CACNB4: variants seen among roughly 807,000 people sequenced by gnomAD.
CACNB4 encodes voltage-dependent L-type calcium channel subunit beta-4.
CACNB4 carries 32 observed loss-of-function variants against 71.2 expected under a neutral mutation model. The observed-to-expected ratio is 0.45, with a 90% CI of 0.34 to 0.60. The LOEUF is 0.60. CACNB4 is among the 20% of genes least tolerant of loss of function. The pLI is 0.01. For synonymous variants in CACNB4, 231 were observed against 236.9 expected, an observed-to-expected ratio of 0.97 and a Z score of 0.23; for missense variants, 464 against 647.9, an observed-to-expected ratio of 0.72 and a Z score of 3.08.
At chr2:151,987,646 A>C (rs1681445593) in intron 2 of CACNB4, among the ~76,000 whole-genome samples, 1 of 152,228 alleles carries the variant, frequency 6.6e-6, no homozygotes, top group South Asian at 2.1e-4. Flanking sequence ...TCACACATTC[A>C]CATCTCAGCA....
chr2:152,070,399 G>C (rs1167310978), intron 2 of CACNB4, among the ~76,000 whole-genome samples: 1 of 152,060 alleles, frequency 6.6e-6, no homozygotes, highest in African/African-American at 2.4e-5. Context: ...CTGGTTTGGG[G>C]TTGTAATTCT....
At chr2:151,907,596 C>A (rs1270744404) in intron 2 of CACNB4, among the ~76,000 whole-genome samples, 1 of 152,124 alleles carries the variant, frequency 6.6e-6, no homozygotes, top group Non-Finnish European at 1.5e-5. Flanking sequence ...CTACTAATGT[C>A]CTTTTTCTGT....
At chr2:151,912,318 C>G (rs1338144116) in intron 2 of CACNB4, among the ~76,000 whole-genome samples, 1 of 151,188 alleles carries the variant, frequency 6.6e-6, no homozygotes, top group African/African-American at 2.4e-5. Flanking sequence ...CTATACATTT[C>G]TGTCTTAACG....
rs1192403849 is a variant in CACNB4, at chr2:151,839,482, T to C, written c.1303-103A>G. 5.5e-6 allele frequency: 5 copies of C among 916,626 alleles called. No individual in the cohort carries two copies. The Admixed American group carries it at 1.1e-4, about 21-fold the overall frequency. The allele number at this position is 916,626 out of a possible 1,614,324, so 56.8% of individuals were successfully genotyped here. A position where few individuals can be genotyped will look rare whatever the true frequency, so the allele number is the denominator to read the frequency against. ...AGGATCTGTACAATAAGATGCTAAA[T>C]ATCTGACTTAATAAGGCATCCTGAT... On this transcript the variant is annotated intron_variant, in intron 13 of 13. Coordinates refer to ENST00000539935, the MANE Select transcript of CACNB4 (RefSeq NM_000726.5).
At chr2:151,869,860 A>G in intron 8 of CACNB4, 1 of 286,242 alleles carries the variant, frequency 3.5e-6, no homozygotes, top group Non-Finnish European at 6.5e-6. Flanking sequence ...ACATTGTCCT[A>G]GCTCGATGGG....
chr2:152,050,147 C>T (rs1048785428), intron 2 of CACNB4, among the ~76,000 whole-genome samples: 1 of 152,216 alleles, frequency 6.6e-6, no homozygotes, highest in African/African-American at 2.4e-5. Context: ...AGATGACTTT[C>T]CAAAGTGACA....
intron 9 of CACNB4, chr2:151,866,662 C>A (rs2099843211): frequency 6.6e-6 from 1 of 152,226 alleles, no homozygotes; most frequent in Non-Finnish European, 1.5e-5. Context: ...AACCAAGGAA[C>A]TCCTTATTGT....
At position 152,091,454 on chromosome 2, in the gene CACNB4, GTGAAACCTGGTCTCTAC is replaced by G. The variant is rs538508766; in HGVS notation, c.147+6859_147+6875del. Among the ~76,000 whole-genome samples, 86 of 152,132 alleles carry G rather than the reference GTGAAACCTGGTCTCTAC, an allele frequency of 5.7e-4. No individual in the cohort carries two copies. The South Asian group carries it at 6.6e-3, about 12-fold the overall frequency. ...GTTGTGCCCCAGCTTAGCCAACATG[GTGAAACCTGGTCTCTAC>G]TAAAAATACAAAAATTAGCCAGATG... On this transcript the variant is annotated intron_variant, in intron 2 of 13. Transcript: ENST00000539935.
intron 2 of CACNB4, among the ~76,000 whole-genome samples, chr2:152,070,065 G>A (rs556911427): frequency 3.9e-5 from 6 of 151,918 alleles, no homozygotes; most frequent in South Asian, 2.1e-4. Context: ...GGATGGTCTC[G>A]ATCTCCTGAC....
intron 2 of CACNB4, among the ~76,000 whole-genome samples, chr2:152,087,525 C>T (rs1185078647): frequency 6.6e-6 from 1 of 151,822 alleles, no homozygotes; most frequent in African/African-American, 2.4e-5. Flanking sequence ...TATGATCCAT[C>T]CTATTCAATA....
chr2:151,864,933 C>T (rs1482770966), intron 9 of CACNB4, among the ~76,000 whole-genome samples: 2 of 152,206 alleles, frequency 1.3e-5, no homozygotes, highest in African/African-American at 4.8e-5. Flanking sequence ...CATGACCCCT[C>T]TCATTCCCAG....
At chr2:151,959,922 C>T (rs1161675181) in intron 2 of CACNB4, among the ~76,000 whole-genome samples, 1 of 152,160 alleles carries the variant, frequency 6.6e-6, no homozygotes, top group Admixed American at 6.5e-5. Context: ...CAAAATATTA[C>T]AGCTGAACTG....
intron 2 of CACNB4, among the ~76,000 whole-genome samples, chr2:152,075,173 C>T (rs1010813251): frequency 3.9e-5 from 6 of 152,202 alleles, no homozygotes; most frequent in Non-Finnish European, 8.8e-5. Context: ...ACAAGGCAGG[C>T]ATTATCATCC....
chr2:152,022,064 C>T (rs1033528176), intron 2 of CACNB4, among the ~76,000 whole-genome samples: 1 of 152,206 alleles, frequency 6.6e-6, no homozygotes, highest in African/African-American at 2.4e-5. Flanking sequence ...GTTGTAGTGA[C>T]TGCACATGAG....
chr2:152,093,715 C>A (rs966304027), intron 2 of CACNB4, among the ~76,000 whole-genome samples: 5 of 152,180 alleles, frequency 3.3e-5, no homozygotes, highest in Admixed American at 3.3e-4. Context: ...TAGTTGAGTT[C>A]TCAGCCAGCA....
intron 2 of CACNB4, among the ~76,000 whole-genome samples, chr2:152,012,953 G>A (rs1204047137): frequency 1.3e-5 from 2 of 152,140 alleles, no homozygotes; most frequent in African/African-American, 4.8e-5. Flanking sequence ...TGCAATAAGT[G>A]CCCTAGACAA....
At chr2:152,067,508 G>C (rs1036749243) in intron 2 of CACNB4, among the ~76,000 whole-genome samples, 4 of 152,096 alleles carry the variant, frequency 2.6e-5, no homozygotes, top group Admixed American at 2.6e-4. Context: ...AATGTGCCCA[G>C]CCTGATAATG....
chr2:151,872,467 C>G lies in CACNB4; in HGVS notation c.548G>C (p.Ser183Thr). 6.2e-7 allele frequency: 1 copy of G among 1,602,210 alleles called. No individual in the cohort carries two copies. The highest frequency in any genetic ancestry group is 8.5e-7 in the Non-Finnish European group (1 of 1,170,810). Residue 183 changes from serine (S) to threonine (T), a missense_variant, in exon 6 of 14, where the codon AGT becomes ACT. Physicochemically the swap from Ser to Thr is moderately conservative, Grantham distance 58. This residue lies in a region of CACNB4 where 299 missense variants were observed against 471.7 expected (regional missense o/e 0.63). Coordinates refer to ENST00000539935, the MANE Select transcript of CACNB4 (RefSeq NM_000726.5). ...TGTCCCAGATACCATTTCTCCAAGA[C>G]TTGAAGAAGAATTTCCACTTGATTT... ...GGKSSGNSSS[S>T]LGEMVSGTFR... is the part of the protein sequence containing the mutation.
At chr2:152,031,583 T>C (rs1684287447) in intron 2 of CACNB4, among the ~76,000 whole-genome samples, 1 of 152,092 alleles carries the variant, frequency 6.6e-6, no homozygotes, top group Non-Finnish European at 1.5e-5. Context: ...CTCAAAGGCC[T>C]GGGACCAGGC....
Sources: gnomAD v4.1 joint callset for allele counts (sites outside exome capture counted in the v4.1 genomes callset) on GRCh38, gnomAD v4.1.1 for gene constraint, gnomAD v4.1.1 regional missense constraint, MANE v1.5 for transcripts, NCBI Gene and HGNC (gene_info 2026-07-23, HGNC 2026-07-21) for gene names.